The following ULK4 variants were observed in gnomAD, a reference collection of about 807,000 sequenced individuals.
ULK4 encodes inactive serine/threonine-protein kinase ULK4.
A neutral mutation model predicts 160.6 loss-of-function variants in ULK4; 133 were observed. That is an observed-to-expected ratio of 0.83 (90% CI 0.72 to 0.96). The LOEUF (loss-of-function observed/expected upper bound fraction) is 0.96. ULK4 is among the 40% of genes least tolerant of loss of function. The probability of loss-of-function intolerance (pLI) is 0.00; values close to 1 mark genes in which losing one functional copy is unlikely to be tolerated. For synonymous variants in ULK4, 534 were observed against 539.8 expected (o/e 0.99, Z 0.15); for missense variants, 1,580 against 1,499.5 (o/e 1.05, Z -0.89).
chr3:41,429,336 C>T (rs979823108), intron 34 of ULK4, among the ~76,000 whole-genome samples: 6 of 152,128 alleles, frequency 3.9e-5, no homozygotes, highest in African/African-American at 1.4e-4. Flanking sequence ...TGGAAGATGG[C>T]GTGATGATTC....
intron 27 of ULK4, among the ~76,000 whole-genome samples, chr3:41,699,236 G>A (rs986937844): frequency 6.6e-6 from 1 of 152,086 alleles, no homozygotes; most frequent in East Asian, 1.9e-4. Context: ...GGTTCCATTT[G>A]CTCTATGTCC....
chr3:41,333,363 C>T (rs2080487142), intron 35 of ULK4, among the ~76,000 whole-genome samples: 1 of 152,228 alleles, frequency 6.6e-6, no homozygotes, highest in African/African-American at 2.4e-5. Flanking sequence ...ATACCTTTTA[C>T]ATTCCTTTCA....
chr3:41,750,768 G>A (rs1257794187), intron 22 of ULK4, among the ~76,000 whole-genome samples: 8 of 151,908 alleles, frequency 5.3e-5, no homozygotes, highest in Admixed American at 2.0e-4. Flanking sequence ...GGTCAAGGCG[G>A]GTGGATTATT....
intron 17 of ULK4, among the ~76,000 whole-genome samples, chr3:41,845,513 G>A (rs561021224): frequency 2.3e-3 from 353 of 152,236 alleles, no homozygotes; most frequent in Middle Eastern, 6.8e-3. Context: ...CTTCGGGGGT[G>A]GAGGGCAGCA....
intron 32 of ULK4, among the ~76,000 whole-genome samples, chr3:41,504,369 G>A (rs1685084080): frequency 1.3e-5 from 2 of 152,114 alleles, no homozygotes; most frequent in African/African-American, 4.8e-5. Context: ...TAGAATAGCA[G>A]CTGAAATTAG....
intron 35 of ULK4, among the ~76,000 whole-genome samples, chr3:41,281,303 G>T (rs1482187507): frequency 6.6e-6 from 1 of 152,182 alleles, no homozygotes; most frequent in East Asian, 1.9e-4. Flanking sequence ...CTCATTTTAT[G>T]AGGCCAGCAT....
chr3:41,622,531 T>C (rs1342680034), intron 30 of ULK4, among the ~76,000 whole-genome samples: 5 of 142,198 alleles, frequency 3.5e-5, no homozygotes, highest in Non-Finnish European at 7.5e-5. Context: ...CACTCATAAA[T>C]GGAAGTTAAA....
At chr3:41,683,109 C>T (rs986781584) in intron 27 of ULK4, among the ~76,000 whole-genome samples, 2 of 152,176 alleles carry the variant, frequency 1.3e-5, no homozygotes, top group African/African-American at 4.8e-5. Flanking sequence ...ACAAAACCCA[C>T]ACCAGTACCT....
intron 9 of ULK4, 130 bp downstream of exon 9, chr3:41,912,677 A>T: frequency 1.3e-6 from 1 of 744,786 alleles, no homozygotes; most frequent in Non-Finnish European, 2.2e-6. Flanking sequence ...ACCCTTAATT[A>T]AACAAACGCT....
intron 5 of ULK4, among the ~76,000 whole-genome samples, chr3:41,930,023 T>C (rs1348021309): frequency 2.0e-5 from 3 of 152,162 alleles, no homozygotes; most frequent in Admixed American, 1.3e-4. Context: ...AGAGCCCGCA[T>C]AGCCAAGACT....
chr3:41,371,731 GC>G (rs943383040), intron 35 of ULK4, among the ~76,000 whole-genome samples: 5 of 152,094 alleles, frequency 3.3e-5, no homozygotes, highest in African/African-American at 1.2e-4. Context: ...AAACCAGAAT[GC>G]CTATTCTCCA....
chr3:41,697,211 A>G (rs1457708270), intron 27 of ULK4, among the ~76,000 whole-genome samples: 2 of 152,206 alleles, frequency 1.3e-5, no homozygotes, highest in African/African-American at 4.8e-5. Context: ...AAATATATAT[A>G]TACAGTCATG....
At chr3:41,786,267 C>A (rs1160852651) in intron 21 of ULK4, among the ~76,000 whole-genome samples, 2 of 152,168 alleles carry the variant, frequency 1.3e-5, no homozygotes, top group Admixed American at 6.5e-5. Context: ...CACACTGTCT[C>A]ATCTGTGAAA....
intron 5 of ULK4, among the ~76,000 whole-genome samples, chr3:41,926,819 C>A (rs373945172): frequency 1.1e-3 from 167 of 150,834 alleles, no homozygotes; most frequent in African/African-American, 4.0e-3. Flanking sequence ...TGAAAAGGAA[C>A]AAACAAAGCC....
intron 32 of ULK4, among the ~76,000 whole-genome samples, chr3:41,467,667 T>C (rs1205110354): frequency 6.6e-6 from 1 of 151,922 alleles, no homozygotes; most frequent in South Asian, 2.1e-4. Flanking sequence ...AGAACATAGA[T>C]GAATCTCAAA....
intron 35 of ULK4, among the ~76,000 whole-genome samples, chr3:41,394,950 C>T (rs933035342): frequency 6.6e-6 from 1 of 152,070 alleles, no homozygotes; most frequent in Non-Finnish European, 1.5e-5. Context: ...GTGACCTTCA[C>T]AGGTACCCTC....
intron 35 of ULK4, among the ~76,000 whole-genome samples, chr3:41,304,780 C>T (rs746349771): frequency 2.0e-5 from 3 of 152,202 alleles, no homozygotes; most frequent in African/African-American, 7.2e-5. Flanking sequence ...AGGATCCTGT[C>T]GCTTCTCCAG....
intron 31 of ULK4, among the ~76,000 whole-genome samples, chr3:41,608,654 C>G (rs2032505040): frequency 6.6e-6 from 1 of 152,080 alleles, no homozygotes; most frequent in Non-Finnish European, 1.5e-5. Flanking sequence ...CACAGTAAGC[C>G]TTTTATTTTT....
chr3:41,524,863 A>G (rs1403554878), intron 32 of ULK4, among the ~76,000 whole-genome samples: 3 of 152,052 alleles, frequency 2.0e-5, no homozygotes, highest in Non-Finnish European at 4.4e-5. Context: ...GCTTGAACCC[A>G]GGAGGTGGAG....
Sources: gnomAD v4.1 joint callset for allele counts (sites outside exome capture counted in the v4.1 genomes callset) on GRCh38, gnomAD v4.1.1 for gene constraint, MANE v1.5 for transcripts, NCBI Gene and HGNC (gene_info 2026-07-23, HGNC 2026-07-21) for gene names.